Variants in AP1S3 observed in about 807,000 individuals in gnomAD.
AP1S3 encodes the protein adaptor related protein complex 1 subunit sigma 3.
A neutral mutation model predicts 20.9 loss-of-function variants in AP1S3; 10 were observed. The ratio of observed to expected loss-of-function variants is 0.48; its 90% confidence interval spans 0.29 to 0.81. AP1S3 has a LOEUF of 0.81. AP1S3 is among the 30% of genes least tolerant of loss of function. The pLI, the probability that AP1S3 is intolerant of heterozygous loss-of-function variation, is 0.08. For synonymous variants in AP1S3, 41 were observed against 61.5 expected, an observed-to-expected ratio of 0.67 and a Z score of 1.56; for missense variants, 154 against 183.8, an observed-to-expected ratio of 0.84 and a Z score of 0.94.
At chr2:223,836,812 C>T (rs1361921464) in intron 1 of AP1S3, among the ~76,000 whole-genome samples, 1 of 152,148 alleles carries the variant, frequency 6.6e-6, no homozygotes, top group East Asian at 1.9e-4. Flanking sequence ...GGAACCAAAA[C>T]CAAACTCCTT....
chr2:223,770,862 C>A (rs376443620), intron 3 of AP1S3, among the ~76,000 whole-genome samples: 1 of 150,994 alleles, frequency 6.6e-6, no homozygotes. Flanking sequence ...CAAGTAGCTG[C>A]GATTACAGGC....
chr2:223,806,987 C>A (rs895800247), intron 1 of AP1S3, among the ~76,000 whole-genome samples: 1 of 152,042 alleles, frequency 6.6e-6, no homozygotes, highest in African/African-American at 2.4e-5. Context: ...ACAAAATAGG[C>A]TGGGCACAAT....
chr2:223,794,351 TC>T (rs1197673977), intron 1 of AP1S3, among the ~76,000 whole-genome samples: 1 of 151,734 alleles, frequency 6.6e-6, no homozygotes, highest in Admixed American at 6.6e-5. Flanking sequence ...AGACTCTGTG[TC>T]AAAAAAAACA....
At chr2:223,780,351 AGAGAGAGTGTGTGTGT>A (rs1690911044) in intron 1 of AP1S3, among the ~76,000 whole-genome samples, 5 of 62,208 alleles carry the variant, frequency 8.0e-5, no homozygotes, top group South Asian at 8.1e-4. Flanking sequence ...AGAGAGAGAG[AGAGAGAGTGTGTGTGT>A]GTGTGTGTGT....
chr2:223,774,134 G>GCCGC (rs1400654538), intron 3 of AP1S3, among the ~76,000 whole-genome samples: 2 of 152,192 alleles, frequency 1.3e-5, no homozygotes, highest in Non-Finnish European at 2.9e-5. Context: ...GGAGGCCAAG[G>GCCGC]CAGGCGGATC....
chr2:223,778,668 G>A (rs138841598), intron 1 of AP1S3, among the ~76,000 whole-genome samples: 56 of 151,626 alleles, frequency 3.7e-4, no homozygotes, highest in African/African-American at 1.3e-3. Context: ...CAAGGGGAAC[G>A]AGAAAATGAG....
chr2:223,820,773 C>G lies in AP1S3; in HGVS notation c.3+16675G>C, dbSNP rs576321874. Among the ~76,000 whole-genome samples, 7 of 152,070 alleles carry G rather than the reference C, an allele frequency of 4.6e-5. No homozygotes were observed. The South Asian group carries it at 8.3e-4, about 18-fold the overall frequency. On this transcript the variant is annotated intron_variant, in intron 1 of 4. Transcript: ENST00000396654. ...CAACATCCTCCACCATATGACTCCA[C>G]TTTTTCTCGGGAACTAGATTGCTGA...
chr2:223,763,308 C>A (rs960220134), intron 4 of AP1S3, among the ~76,000 whole-genome samples: 4 of 152,180 alleles, frequency 2.6e-5, no homozygotes, highest in African/African-American at 9.7e-5. Flanking sequence ...TTAAATGGAA[C>A]CAGCAACACC....
intron 1 of AP1S3, among the ~76,000 whole-genome samples, chr2:223,816,552 A>G (rs1229252602): frequency 1.3e-5 from 2 of 152,238 alleles, no homozygotes; most frequent in Non-Finnish European, 2.9e-5. Context: ...ATAGGGTCCC[A>G]TAATACCTAT....
chr2:223,826,498 C>A (rs1692131497), intron 1 of AP1S3, among the ~76,000 whole-genome samples: 1 of 152,098 alleles, frequency 6.6e-6, no homozygotes, highest in East Asian at 1.9e-4. Context: ...GAGGCTGAGG[C>A]ATGAGAATCG....
intron 1 of AP1S3, among the ~76,000 whole-genome samples, chr2:223,803,601 A>T (rs1691515310): frequency 6.6e-6 from 1 of 152,138 alleles, no homozygotes; most frequent in African/African-American, 2.4e-5. Context: ...GAAGTCACTA[A>T]AACAAGGCAG....
At chr2:223,777,041 T>C (rs1438707276) in intron 2 of AP1S3, among the ~76,000 whole-genome samples, 1 of 152,256 alleles carries the variant, frequency 6.6e-6, no homozygotes, top group African/African-American at 2.4e-5. Context: ...TAAATATGTA[T>C]ACTACATGAC....
At chr2:223,768,838 G>C (rs367822759) in intron 3 of AP1S3, among the ~76,000 whole-genome samples, 1 of 152,148 alleles carries the variant, frequency 6.6e-6, no homozygotes, top group Non-Finnish European at 1.5e-5. Context: ...CTGGGTGACA[G>C]AGCAAGACTC....
intron 3 of AP1S3, among the ~76,000 whole-genome samples, chr2:223,765,816 GTTCT>G (rs1690464127): frequency 1.3e-5 from 2 of 152,126 alleles, no homozygotes; most frequent in African/African-American, 4.8e-5. Flanking sequence ...ACAGCCAGTG[GTTCT>G]CAAACTCATT....
chr2:223,813,255 C>T (rs1691774833), intron 1 of AP1S3, among the ~76,000 whole-genome samples: 1 of 152,068 alleles, frequency 6.6e-6, no homozygotes, highest in African/African-American at 2.4e-5. Flanking sequence ...CCCACATATG[C>T]CATTTTGAAA....
At chr2:223,821,011 G>C (rs1456181696) in intron 1 of AP1S3, among the ~76,000 whole-genome samples, 4 of 152,236 alleles carry the variant, frequency 2.6e-5, no homozygotes, top group Admixed American at 2.6e-4. Context: ...TACACCGTGA[G>C]CCTCCCAACC....
chr2:223,780,347 A>AGTGT (rs1347365267), intron 1 of AP1S3, among the ~76,000 whole-genome samples: 237 of 89,276 alleles, frequency 2.7e-3, no homozygotes, highest in Non-Finnish European at 3.6e-3. Context: ...AGAGAGAGAG[A>AGTGT]GAGAGAGAGA....
intron 1 of AP1S3, among the ~76,000 whole-genome samples, chr2:223,798,481 C>T (rs1691396139): frequency 6.6e-6 from 1 of 152,188 alleles, no homozygotes; most frequent in Non-Finnish European, 1.5e-5. Flanking sequence ...AAGTCCATGC[C>T]AGCTACAAGT....
intron 1 of AP1S3, among the ~76,000 whole-genome samples, chr2:223,830,196 C>T (rs1337529673): frequency 6.6e-6 from 1 of 151,986 alleles, no homozygotes. Context: ...AATATTTTCT[C>T]GGCTGGGCGC....
Sources: allele counts gnomAD v4.1 joint callset (sites outside exome capture counted in the v4.1 genomes callset), GRCh38; gene constraint gnomAD v4.1.1; transcripts MANE v1.5; gene names NCBI Gene and HGNC (gene_info 2026-07-23, HGNC 2026-07-21).